Variants in EYS observed in about 807,000 individuals in gnomAD.
EYS encodes the protein protein eyes shut homolog.
A neutral mutation model predicts 282.1 loss-of-function variants in EYS; 250 were observed. The ratio of observed to expected loss-of-function variants is 0.89; its 90% CI spans 0.80 to 0.98. The LOEUF (loss-of-function observed/expected upper bound fraction) is 0.98, where lower values mean the gene tolerates loss of function less well. Among genes scored for constraint, EYS ranks in the 50% least tolerant of loss-of-function variants. The probability of loss-of-function intolerance (pLI) is 0.00; values close to 1 mark genes in which losing one functional copy is unlikely to be tolerated. For synonymous variants in EYS, 1,355 were observed against 1,282.9 expected, an observed-to-expected ratio of 1.06 and a Z score of -1.20; for missense variants, 4,016 against 3,709.0, an observed-to-expected ratio of 1.08 and a Z score of -2.15.
chr6:65,644,582 G>A (rs956082650), intron 1 of EYS, among the ~76,000 whole-genome samples: 6 of 152,132 alleles, frequency 3.9e-5, no homozygotes, highest in African/African-American at 9.7e-5. Context: ...GAAATTCATC[G>A]CAAAAAGATC....
At chr6:65,479,866 T>G (rs1417490979) in intron 5 of EYS, among the ~76,000 whole-genome samples, 6 of 152,050 alleles carry the variant, frequency 3.9e-5, no homozygotes, top group African/African-American at 1.2e-4. Flanking sequence ...GAAAAAAATT[T>G]TAAAGTATGC....
rs556314419 is a variant in EYS at position 65,425,202 on chromosome 6, G to A, written c.863-19835C>T. 1.6e-4 allele frequency among the ~76,000 whole-genome samples: 25 copies of A among 151,996 alleles called. No individual in the cohort carries two copies. In the South Asian group the frequency reaches 2.5e-3, roughly 15 times the overall value. On this transcript the variant is annotated intron_variant, in intron 5 of 42. Coordinates refer to ENST00000503581, the MANE Select transcript of EYS (RefSeq NM_001142800.2). Reference sequence around the variant, plus strand: ...ATTATTTTTGTATATGAATAATGATGGTAAAGGGTACATTAAAATACTTGA... The same window carrying A: ...ATTATTTTTGTATATGAATAATGATAGTAAAGGGTACATTAAAATACTTGA...
chr6:65,599,085 G>A (rs1382680807), intron 2 of EYS, among the ~76,000 whole-genome samples: 2 of 152,032 alleles, frequency 1.3e-5, no homozygotes, highest in African/African-American at 4.8e-5. Context: ...CCCGCAGTCA[G>A]CCTTGTGGAA....
chr6:65,233,514 G>T (rs1398559907), intron 12 of EYS, among the ~76,000 whole-genome samples: 2 of 152,066 alleles, frequency 1.3e-5, no homozygotes. Context: ...GAAACATTTT[G>T]CATAAGCTCT....
chr6:63,784,727 C>T (rs886666083), intron 39 of EYS, among the ~76,000 whole-genome samples: 3 of 151,932 alleles, frequency 2.0e-5, no homozygotes, highest in Non-Finnish European at 2.9e-5. Context: ...CCTCCTCCAG[C>T]ACTGGAGATC....
At chr6:65,427,208 T>A (rs1180030697) in intron 5 of EYS, among the ~76,000 whole-genome samples, 1 of 152,056 alleles carries the variant, frequency 6.6e-6, no homozygotes, top group Non-Finnish European at 1.5e-5. Context: ...TTCAGGAGCA[T>A]CATAGTTATT....
chr6:63,723,524 T>A (rs894947693), intron 42 of EYS, among the ~76,000 whole-genome samples: 1 of 152,052 alleles, frequency 6.6e-6, no homozygotes, highest in Non-Finnish European at 1.5e-5. Flanking sequence ...GAATAAAAAA[T>A]ATCTAAGAAA....
At position 65,252,887 on chromosome 6, in the gene EYS, A is replaced by G. The variant is rs1429146692; in HGVS notation, c.2023+42976T>C. On this transcript the variant is annotated intron_variant, in intron 12 of 42. Coordinates refer to ENST00000503581, the MANE Select transcript of EYS (RefSeq NM_001142800.2). ...GAAAAGAAAAGTCAGTGAACTTGACAGCAGATCAATGAAGATTATCCATCT... is the reference window on the plus strand; with the variant it reads ...GAAAAGAAAAGTCAGTGAACTTGACGGCAGATCAATGAAGATTATCCATCT... 2.0e-5 allele frequency among the ~76,000 whole-genome samples: 3 copies of G among 151,992 alleles called. No individual in the cohort carries two copies. In the East Asian group the frequency reaches 5.8e-4, roughly 29 times the overall value.
chr6:63,926,279 C>T (rs1764713769), intron 35 of EYS, among the ~76,000 whole-genome samples: 1 of 152,198 alleles, frequency 6.6e-6, no homozygotes. Flanking sequence ...AGAATCCCTA[C>T]CACATGCTAT....
intron 40 of EYS, among the ~76,000 whole-genome samples, chr6:63,776,137 C>T (rs1408274960): frequency 1.3e-5 from 2 of 152,102 alleles, no homozygotes; most frequent in Non-Finnish European, 2.9e-5. Context: ...GCATTCCACC[C>T]ACACGGCAAT....
At chr6:64,089,162 T>A (rs1262062449) in intron 31 of EYS, among the ~76,000 whole-genome samples, 2 of 151,920 alleles carry the variant, frequency 1.3e-5, no homozygotes, top group Non-Finnish European at 2.9e-5. Context: ...ATGCAATTAT[T>A]ATTTTAATTT....
chr6:65,704,356 T>C (rs942260616), intron 1 of EYS, among the ~76,000 whole-genome samples: 6 of 152,234 alleles, frequency 3.9e-5, no homozygotes, highest in Admixed American at 1.3e-4. Context: ...GCAAAGTTAA[T>C]GAGTAACAGA....
chr6:65,105,102 T>C (rs568442985), intron 12 of EYS, among the ~76,000 whole-genome samples: 5 of 151,862 alleles, frequency 3.3e-5, no homozygotes, highest in African/African-American at 1.2e-4. Flanking sequence ...TGTTTCCTTT[T>C]AACTATTGTT....
At chr6:65,300,732 T>TCAGA (rs1768797114) in intron 11 of EYS, 2 of 152,360 alleles carry the variant, frequency 1.3e-5, no homozygotes, top group African/African-American at 4.8e-5. Flanking sequence ...GTTTAAGAAC[T>TCAGA]CTCTAATTCT....
chr6:64,462,255 T>C (rs1775773838), intron 26 of EYS, among the ~76,000 whole-genome samples: 1 of 152,208 alleles, frequency 6.6e-6, no homozygotes, highest in African/African-American at 2.4e-5. Flanking sequence ...TTAATTTAAC[T>C]TGGATGACAT....
intron 36 of EYS, among the ~76,000 whole-genome samples, chr6:63,831,163 G>A (rs1343666532): frequency 2.0e-5 from 3 of 152,070 alleles, no homozygotes; most frequent in Admixed American, 6.6e-5. Context: ...ATTAACTAAT[G>A]GGCAAAATAA....
At chr6:63,995,127 A>T (rs1405036332) in intron 34 of EYS, among the ~76,000 whole-genome samples, 1 of 152,068 alleles carries the variant, frequency 6.6e-6, no homozygotes, top group African/African-American at 2.4e-5. Context: ...CATATGTTTG[A>T]TAAGGAGTTA....
At chr6:65,471,590 T>C (rs1765220157) in intron 5 of EYS, among the ~76,000 whole-genome samples, 1 of 152,142 alleles carries the variant, frequency 6.6e-6, no homozygotes, top group Non-Finnish European at 1.5e-5. Context: ...TAATTTATGT[T>C]GACGTAATTG....
chr6:65,658,390 G>T (rs1485725545), intron 1 of EYS, among the ~76,000 whole-genome samples: 1 of 151,682 alleles, frequency 6.6e-6, no homozygotes. Context: ...TGCAACAGAT[G>T]TATCATGGGG....
Sources: gnomAD v4.1 joint callset for allele counts (sites outside exome capture counted in the v4.1 genomes callset) on GRCh38, gnomAD v4.1.1 for gene constraint, MANE v1.5 for transcripts, NCBI Gene and HGNC (gene_info 2026-07-23, HGNC 2026-07-21) for gene names.